PLEKHG1: variants seen among roughly 807,000 people sequenced by gnomAD.
PLEKHG1 encodes the protein pleckstrin homology domain-containing family G member 1.
A neutral mutation model predicts 100.8 loss-of-function variants in PLEKHG1; 44 were observed. The observed-to-expected ratio is 0.44, with a 90% CI of 0.34 to 0.56. The LOEUF (loss-of-function observed/expected upper bound fraction) is 0.56, where lower values mean the gene tolerates loss of function less well. Among genes scored for constraint, PLEKHG1 ranks in the 20% least tolerant of loss-of-function variants. The pLI, the probability that PLEKHG1 is intolerant of heterozygous loss-of-function variation, is 0.01. For missense variants in PLEKHG1, 1,545 were observed against 1,720.9 expected (o/e 0.90, Z 1.81); for synonymous variants, 640 against 662.5 (o/e 0.97, Z 0.52).
intron 4 of PLEKHG1, among the ~76,000 whole-genome samples, chr6:150,789,970 G>A (rs943441623): frequency 2.0e-5 from 3 of 152,112 alleles, no homozygotes; most frequent in African/African-American, 7.2e-5. Flanking sequence ...GAAACTGCAG[G>A]CCCAGGGCTG....
chr6:150,720,482 C>G (rs1049051657), upstream of PLEKHG1, among the ~76,000 whole-genome samples: 4 of 152,134 alleles, frequency 2.6e-5, no homozygotes, highest in African/African-American at 7.2e-5. Context: ...TTCAGATACG[C>G]TTTTTAAATG....
At chr6:150,835,945 A>G (rs1258395330) in intron 15 of PLEKHG1, among the ~76,000 whole-genome samples, 1 of 152,218 alleles carries the variant, frequency 6.6e-6, no homozygotes, top group East Asian at 1.9e-4. Context: ...AACTGTTCCC[A>G]TTATGAGTTA....
At chr6:150,720,029 CT>C (rs1438924079), upstream of PLEKHG1, among the ~76,000 whole-genome samples, 2 of 152,208 alleles carry the variant, frequency 1.3e-5, no homozygotes, top group African/African-American at 4.8e-5. Flanking sequence ...TAAGAATGAT[CT>C]GCTAGTGGTG....
chr6:150,655,404 T>C (rs1778923221), intron 3 of PLEKHG1, among the ~76,000 whole-genome samples: 1 of 152,048 alleles, frequency 6.6e-6, no homozygotes, highest in South Asian at 2.1e-4. Flanking sequence ...AGTGATAGAC[T>C]GGATAAAGAA....
chr6:150,701,362 G>T (rs1006591121), intron 3 of PLEKHG1, among the ~76,000 whole-genome samples: 1 of 135,004 alleles, frequency 7.4e-6, no homozygotes, highest in Non-Finnish European at 1.6e-5. Flanking sequence ...CCTACATTGG[G>T]TTATATCTGT....
intron 11 of PLEKHG1, among the ~76,000 whole-genome samples, chr6:150,818,570 A>G (rs889059460): frequency 2.0e-5 from 3 of 152,146 alleles, no homozygotes; most frequent in African/African-American, 7.2e-5. Context: ...ATCCCTAACA[A>G]AATGTTGATT....
Position 150,741,693 on chromosome 6 carries a change from G to A in PLEKHG1, c.411+7601G>A, listed in dbSNP as rs371780323. Among the ~76,000 whole-genome samples, 203 of 152,282 alleles carry A rather than the reference G, an allele frequency of 1.3e-3. 10 individuals are homozygous for A. The South Asian group carries it at 0.039, about 29-fold the overall frequency. On this transcript the variant is annotated intron_variant, in intron 2 of 15. Transcript: ENST00000358517. The stretch of plus-strand genomic sequence containing the variant: ...CCCCAGGTCACATAGTTGGCTAGTG[G>A]TTGAGCTGGAACTGAAAAGCAGGCC...
chr6:150,686,063 C>T (rs1438847563), intron 3 of PLEKHG1, among the ~76,000 whole-genome samples: 1 of 152,222 alleles, frequency 6.6e-6, no homozygotes, highest in Non-Finnish European at 1.5e-5. Context: ...TCAATGCAGT[C>T]ATTGGTCACT....
chr6:150,668,532 G>C (rs1779483678), intron 3 of PLEKHG1, among the ~76,000 whole-genome samples: 1 of 152,134 alleles, frequency 6.6e-6, no homozygotes, highest in African/African-American at 2.4e-5. Flanking sequence ...CAATTCCTGA[G>C]TGCTCAACTC....
intron 3 of PLEKHG1, among the ~76,000 whole-genome samples, chr6:150,784,954 A>G (rs1043709740): frequency 4.6e-5 from 7 of 151,972 alleles, no homozygotes; most frequent in Admixed American, 1.3e-4. Context: ...GGTTGCTCAC[A>G]CTACCCAGCG....
chr6:150,732,943 T>C (rs1782350363), intron 1 of PLEKHG1, among the ~76,000 whole-genome samples: 3 of 152,250 alleles, frequency 2.0e-5, no homozygotes, highest in Admixed American at 6.5e-5. Flanking sequence ...TATCTTTTTC[T>C]TGCCTAGTAT....
chr6:150,793,285 C>A (rs980807126), intron 4 of PLEKHG1, among the ~76,000 whole-genome samples: 5 of 151,990 alleles, frequency 3.3e-5, no homozygotes, highest in African/African-American at 1.2e-4. Flanking sequence ...GCCTGTGGTC[C>A]CAGCTACTCT....
In PLEKHG1 at chr6:150,610,299, A is replaced by C. The variant is rs1484074621; in HGVS notation, c.-204+10282A>C. Among the ~76,000 whole-genome samples the C allele has an allele frequency of 2.0e-5, 3 of 152,042 alleles. No homozygotes were observed. The East Asian group carries it at 5.8e-4, about 29-fold the overall frequency. ...GTATTTTTAGTGGAGATGGGGTTTCACCATATTGGCCAGGCTGGTCCCGAA... is the reference window on the plus strand; with the variant it reads ...GTATTTTTAGTGGAGATGGGGTTTCCCCATATTGGCCAGGCTGGTCCCGAA... On this transcript the variant is annotated intron_variant, in intron 1 of 3. Transcript: ENST00000367326.
chr6:150,617,183 C>T (rs1777108422), intron 1 of PLEKHG1, among the ~76,000 whole-genome samples: 1 of 152,328 alleles, frequency 6.6e-6, no homozygotes, highest in South Asian at 2.1e-4. Flanking sequence ...AAAAAACACT[C>T]ATTTGGTGGT....
intron 14 of PLEKHG1, among the ~76,000 whole-genome samples, chr6:150,829,936 C>T (rs1270660680): frequency 6.6e-6 from 1 of 152,164 alleles, no homozygotes; most frequent in Non-Finnish European, 1.5e-5. Flanking sequence ...GGCCCTAAAG[C>T]TCCTTAGAAA....
intron 1 of PLEKHG1, among the ~76,000 whole-genome samples, chr6:150,616,701 C>T (rs1777085018): frequency 6.6e-6 from 1 of 152,186 alleles, no homozygotes; most frequent in Non-Finnish European, 1.5e-5. Context: ...GAGGAAACGT[C>T]TAAAGATGTG....
chr6:150,674,668 TC>T, intron 3 of PLEKHG1, among the ~76,000 whole-genome samples: 1 of 144,182 alleles, frequency 6.9e-6, no homozygotes, highest in East Asian at 2.0e-4. Context: ...TCTCTCTCTC[TC>T]TCTCTCTCTC....
At chr6:150,764,785 A>G (rs538836298) in intron 2 of PLEKHG1, among the ~76,000 whole-genome samples, 1 of 152,078 alleles carries the variant, frequency 6.6e-6, no homozygotes, top group African/African-American at 2.4e-5. Flanking sequence ...CTTCCCTGTG[A>G]AGCCTCTCCC....
chr6:150,831,987 C>T lies in PLEKHG1; in HGVS notation c.2876C>T (p.Pro959Leu). ...AACAGTGGCCTGTCTCAAACAGACC[C>T]AGAAAACCCTGACCTGGGGATGGAG... The change falls in exon 15 of 16, where the codon CCA becomes CTA. Residue 959 changes from proline (P) to leucine (L), a missense_variant. Physicochemically the swap from Pro to Leu is moderately conservative, Grantham distance 98 (BLOSUM62 -3). Coordinates refer to ENST00000358517, the Ensembl canonical transcript of PLEKHG1. The surrounding 1 kb of genome is among the most constrained non-coding windows in gnomAD (Gnocchi z 4.1). 2.5e-6 allele frequency: 4 copies of T among 1,613,400 alleles called. No individual in the cohort carries two copies. Among genetic ancestry groups the T allele is most frequent in the Non-Finnish European group, 2.5e-6 (3 of 1,179,704 alleles).
Sources: gnomAD v4.1 joint callset for allele counts (sites outside exome capture counted in the v4.1 genomes callset) on GRCh38, gnomAD v4.1.1 for gene constraint, Gnocchi (gnomAD v3.1) non-coding constraint, MANE v1.5 for transcripts, NCBI Gene and HGNC (gene_info 2026-07-23, HGNC 2026-07-21) for gene names.